The following WNT3 variants were observed in gnomAD, a reference collection of about 807,000 sequenced individuals.
The protein encoded by WNT3 is proto-oncogene Wnt-3.
WNT3 carries 7 observed loss-of-function variants against 34.2 expected under a neutral mutation model. That is an observed-to-expected ratio of 0.20 (90% CI 0.12 to 0.38). WNT3 has a LOEUF of 0.38. Ranked by LOEUF, WNT3 falls within the 10% of genes least tolerant of loss-of-function variation. WNT3 has a pLI of 1.00. For synonymous variants in WNT3, 212 were observed against 211.5 expected (o/e 1.00, Z -0.02); for missense variants, 267 against 499.8 (o/e 0.53, Z 4.44).
At chr17:46,799,879 G>A (rs1259659352) in intron 1 of WNT3, among the ~76,000 whole-genome samples, 1 of 152,206 alleles carries the variant, frequency 6.6e-6, no homozygotes, top group Admixed American at 6.5e-5. Flanking sequence ...TAGAAGCTAT[G>A]AAGTGGACAT....
At chr17:46,795,655 A>G (rs1218350511) in intron 1 of WNT3, among the ~76,000 whole-genome samples, 2 of 152,196 alleles carry the variant, frequency 1.3e-5, no homozygotes, top group Non-Finnish European at 2.9e-5. Context: ...GTGGGTGACG[A>G]CACCAAGCCC....
chr17:46,800,310 C>T (rs886453031), intron 1 of WNT3, among the ~76,000 whole-genome samples: 34 of 152,096 alleles, frequency 2.2e-4, no homozygotes, highest in Admixed American at 1.6e-3. Flanking sequence ...GGGGTTTCAC[C>T]GTGTTGGTCA....
chr17:46,800,174 G>A (rs1165494468), intron 1 of WNT3, among the ~76,000 whole-genome samples: 3 of 151,906 alleles, frequency 2.0e-5, no homozygotes, highest in African/African-American at 7.3e-5. Flanking sequence ...GCAGTGGCGC[G>A]ATCTCGGCTC....
In WNT3 at chr17:46,818,617, G is replaced by T. The variant is rs1043197012; in HGVS notation, c.-20C>A. 12 of 1,581,682 alleles carry T rather than the reference G, an allele frequency of 7.6e-6. No homozygotes were observed. The highest frequency in any genetic ancestry group is 1.0e-5 in the Non-Finnish European group (12 of 1,163,534). ...CTCCATTAGAAGAGGCGCCGAGGAG[G>T]AAGTTTGCCCGCGACCATGAAGAGG... On this transcript the variant is annotated 5_prime_UTR_variant, in exon 1 of 5. Transcript: ENST00000225512.
chr17:46,775,864 C>A (rs1010585016), intron 1 of WNT3, among the ~76,000 whole-genome samples: 1 of 152,056 alleles, frequency 6.6e-6, no homozygotes, highest in Non-Finnish European at 1.5e-5. Flanking sequence ...CCACACACCT[C>A]GGCCTCCCAA....
At chr17:46,803,265 G>T (rs151174453) in intron 1 of WNT3, among the ~76,000 whole-genome samples, 25 of 152,292 alleles carry the variant, frequency 1.6e-4, no homozygotes, top group African/African-American at 5.5e-4. Context: ...CAGGCGTAGC[G>T]GCTCACACCT....
intron 1 of WNT3, among the ~76,000 whole-genome samples, chr17:46,797,391 G>T (rs2084068237): frequency 6.6e-6 from 1 of 152,222 alleles, no homozygotes; most frequent in Non-Finnish European, 1.5e-5. Context: ...GGAAGTTCAG[G>T]GCCAAGTGGA....
chr17:46,785,256 G>A (rs552293025), intron 1 of WNT3, among the ~76,000 whole-genome samples: 8 of 152,246 alleles, frequency 5.3e-5, no homozygotes, highest in Non-Finnish European at 1.0e-4. Flanking sequence ...TATCCCTCAC[G>A]TTGCCTCGGC....
rs1282645601 is a variant in WNT3, at chr17:46,780,593, G to A, written c.81-6684C>T. Among the ~76,000 whole-genome samples the A allele has an allele frequency of 2.3e-4, 35 of 151,834 alleles. 1 individual carries two copies. Among genetic ancestry groups the A allele is most frequent in the Admixed American group, 2.2e-3 (34 of 15,254 alleles). Reference sequence around the variant, plus strand: ...CACGAGGTCAGGAGATCGAGACCACGGTGAAACCCCGTCTCTACTAAAAAT... The same window carrying A: ...CACGAGGTCAGGAGATCGAGACCACAGTGAAACCCCGTCTCTACTAAAAAT... On this transcript the variant is annotated intron_variant, in intron 1 of 4. Transcript: ENST00000225512.
intron 1 of WNT3, among the ~76,000 whole-genome samples, chr17:46,787,161 G>A (rs772630020): frequency 3.3e-5 from 5 of 151,924 alleles, no homozygotes; most frequent in African/African-American, 7.3e-5. Context: ...GCTGGGTTTC[G>A]AACTCCTGGG....
chr17:46,812,452 C>T (rs1392149986), intron 1 of WNT3, among the ~76,000 whole-genome samples: 3 of 152,196 alleles, frequency 2.0e-5, no homozygotes, highest in Non-Finnish European at 4.4e-5. Context: ...GCAACTTCTG[C>T]TCAGGCTGCT....
chr17:46,796,936 C>T (rs574599147), intron 1 of WNT3, among the ~76,000 whole-genome samples: 28 of 152,148 alleles, frequency 1.8e-4, no homozygotes, highest in African/African-American at 5.3e-4. Context: ...GCTTGGTTAC[C>T]GAGGAAAATA....
intron 1 of WNT3, among the ~76,000 whole-genome samples, chr17:46,788,756 A>G (rs1274961593): frequency 4.7e-5 from 7 of 150,364 alleles, no homozygotes; most frequent in Non-Finnish European, 7.4e-5. Flanking sequence ...CCTCCCTGCG[A>G]GGACCTCCCT....
intron 1 of WNT3, among the ~76,000 whole-genome samples, chr17:46,812,373 G>T (rs545039536): frequency 6.6e-6 from 1 of 151,044 alleles, no homozygotes; most frequent in African/African-American, 2.4e-5. Context: ...AGCAGCTTCT[G>T]CCAGGAGCCA....
chr17:46,791,728 A>G (rs948179892), intron 1 of WNT3, among the ~76,000 whole-genome samples: 1 of 152,246 alleles, frequency 6.6e-6, no homozygotes, highest in Non-Finnish European at 1.5e-5. Flanking sequence ...TGGGGGAAAC[A>G]CACGTTGTGT....
At chr17:46,785,020 G>A (rs560443754) in intron 1 of WNT3, among the ~76,000 whole-genome samples, 3 of 152,162 alleles carry the variant, frequency 2.0e-5, no homozygotes, top group East Asian at 1.9e-4. Context: ...CTCGTGATCT[G>A]CCCGCCTTGG....
At chr17:46,769,034 TAC>T (rs1223407121) in intron 3 of WNT3, among the ~76,000 whole-genome samples, 1 of 152,092 alleles carries the variant, frequency 6.6e-6, no homozygotes, top group African/African-American at 2.4e-5. Flanking sequence ...GCGCATGAAA[TAC>T]GAGTTGTTGC....
chr17:46,770,064 G>T lies in WNT3; in HGVS notation c.323-16C>A, dbSNP rs1198283213. On this transcript the variant is annotated splice_polypyrimidine_tract_variant and intron_variant, in intron 2 of 4. Coordinates refer to ENST00000225512, the MANE Select transcript of WNT3 (RefSeq NM_030753.5). Reference sequence around the variant, plus strand: ...TCGCGGGTGGCTGCGGGGAGGTCGTGGGGAGGCAGCACTCAGGACCCGGCC... The same window carrying T: ...TCGCGGGTGGCTGCGGGGAGGTCGTTGGGAGGCAGCACTCAGGACCCGGCC... The T allele has an allele frequency of 4.6e-6, 7 of 1,532,820 alleles. No individual in the cohort carries two copies. The highest frequency in any genetic ancestry group is 1.2e-5 in the South Asian group (1 of 82,898). The allele number at this position is 1,532,820 out of a possible 1,614,324, so 95.0% of individuals were successfully genotyped here.
rs1307293846 is a variant in WNT3, at chr17:46,764,445, G to A, written c.*185C>T. On this transcript the variant is annotated 3_prime_UTR_variant, in exon 5 of 5. Transcript: ENST00000225512. Reference sequence around the variant, plus strand: ...GAGTAGGGTGAGAAATGTAAGATGAGAGAGAGGGAGAGCCTCCCCGTCCAC... The same window carrying A: ...GAGTAGGGTGAGAAATGTAAGATGAAAGAGAGGGAGAGCCTCCCCGTCCAC... The A allele has an allele frequency of 6.6e-6, 1 of 152,488 alleles. No individual in the cohort carries two copies. The highest frequency in any genetic ancestry group is 1.5e-5 in the Non-Finnish European group (1 of 68,102). The allele number at this position is 152,488 out of a possible 1,614,324, so 9.4% of individuals were successfully genotyped here.
Sources: gnomAD v4.1 joint callset for allele counts (sites outside exome capture counted in the v4.1 genomes callset) on GRCh38, gnomAD v4.1.1 for gene constraint, MANE v1.5 for transcripts, NCBI Gene and HGNC (gene_info 2026-07-23, HGNC 2026-07-21) for gene names.